The following TRAF3IP1 variants were observed in gnomAD, a reference collection of about 807,000 sequenced individuals.
TRAF3IP1 encodes intraflagellar transport 54, also known as TRAF3-interacting protein 1.
TRAF3IP1 carries 53 observed loss-of-function variants against 89.9 expected under a neutral mutation model. That is an observed-to-expected ratio of 0.59 (90% CI 0.47 to 0.74). The LOEUF (loss-of-function observed/expected upper bound fraction) is 0.74. TRAF3IP1 is among the 30% of genes least tolerant of loss of function. The probability of loss-of-function intolerance (pLI) is 0.00; values close to 1 mark genes in which losing one functional copy is unlikely to be tolerated. For synonymous variants in TRAF3IP1, 311 were observed against 322.1 expected, an observed-to-expected ratio of 0.97 and a Z score of 0.37; for missense variants, 806 against 866.1, an observed-to-expected ratio of 0.93 and a Z score of 0.87.
chr2:238,353,251 G>A, intron 14 of TRAF3IP1, 42 bp downstream of exon 14: 1 of 1,606,496 alleles, frequency 6.2e-7, no homozygotes, highest in South Asian at 1.1e-5. Flanking sequence ...CCATGTGTGT[G>A]TGCTCATGCA....
At chr2:238,371,834 T>C (rs1018889411) in intron 15 of TRAF3IP1, among the ~76,000 whole-genome samples, 6 of 152,262 alleles carry the variant, frequency 3.9e-5, no homozygotes, top group African/African-American at 1.2e-4. Flanking sequence ...TTTCATCTGT[T>C]TCTTTTTACT....
chr2:238,359,287 G>A (rs140607151), intron 15 of TRAF3IP1, among the ~76,000 whole-genome samples: 4 of 152,266 alleles, frequency 2.6e-5, no homozygotes, highest in African/African-American at 9.6e-5. Context: ...AGTCAAGATA[G>A]TGAACACACT....
chr2:238,344,674 C>T (rs1357625810), intron 9 of TRAF3IP1, 76 bp downstream of exon 9: 1 of 1,271,334 alleles, frequency 7.9e-7, no homozygotes, highest in African/African-American at 1.5e-5. Flanking sequence ...CAAAGGGCCG[C>T]AGCCCAGAGC....
In TRAF3IP1 at chr2:238,320,598, C is replaced by T; in HGVS notation, c.-65C>T. The T allele has an allele frequency of 9.7e-6, 11 of 1,128,718 alleles. No homozygotes were observed. Among genetic ancestry groups the T allele is most frequent in the Non-Finnish European group, 1.2e-5 (11 of 919,230 alleles). The allele number at this position is 1,128,718 out of a possible 1,614,324, so 69.9% of individuals were successfully genotyped here. On this transcript the variant is annotated 5_prime_UTR_variant, in exon 1 of 17. Transcript: ENST00000373327. ...CGGCGGGGCCGGCGGCGGCCAGGGA[C>T]CCGGGCTTAGGCTCGGCCAGGCCGG...
chr2:238,397,083 A>G (rs1701259414), intron 15 of TRAF3IP1, among the ~76,000 whole-genome samples: 1 of 152,200 alleles, frequency 6.6e-6, no homozygotes, highest in Admixed American at 6.5e-5. Context: ...TCCATTTGGG[A>G]AAAATCTTCC....
chr2:238,388,259 C>T (rs549251414), intron 15 of TRAF3IP1, among the ~76,000 whole-genome samples: 1 of 151,584 alleles, frequency 6.6e-6, no homozygotes, highest in Non-Finnish European at 1.5e-5. Context: ...CCTATAATCC[C>T]AGCTACTCGG....
chr2:238,337,699 A>G (rs1261897556), intron 7 of TRAF3IP1, among the ~76,000 whole-genome samples: 1 of 152,210 alleles, frequency 6.6e-6, no homozygotes, highest in East Asian at 1.9e-4. Context: ...TTGAACGGAA[A>G]GGAATCAAAG....
At chr2:238,348,627 AAATTGCTCATTTGTATTTGC>A in intron 10 of TRAF3IP1, 117 bp from the exon 11 acceptor site, 2 of 688,150 alleles carry the variant, frequency 2.9e-6, no homozygotes, top group Non-Finnish European at 4.8e-6. Flanking sequence ...ATTGATGGAA[AAATTGCTCATTTGTATTTGC>A]AATTACAAAT....
chr2:238,359,905 T>C (rs1268519418), intron 15 of TRAF3IP1, among the ~76,000 whole-genome samples: 5 of 152,190 alleles, frequency 3.3e-5, no homozygotes, highest in Non-Finnish European at 5.9e-5. Flanking sequence ...ATAACTGATA[T>C]TAAACAGAAC....
intron 14 of TRAF3IP1, among the ~76,000 whole-genome samples, chr2:238,353,600 C>T (rs1699272991): frequency 6.6e-6 from 1 of 152,110 alleles, no homozygotes; most frequent in South Asian, 2.1e-4. Context: ...ACCCCGTTCC[C>T]CACACCAGGG....
chr2:238,344,458 T>A, intron 8 of TRAF3IP1, 39 bp from the exon 9 acceptor site: 1 of 1,528,774 alleles, frequency 6.5e-7, no homozygotes, highest in Non-Finnish European at 9.1e-7. Context: ...CCCTTTGGTG[T>A]ACAGTCTTAA....
intron 12 of TRAF3IP1, among the ~76,000 whole-genome samples, chr2:238,350,456 G>A (rs905044021): frequency 2.0e-5 from 3 of 152,156 alleles, no homozygotes; most frequent in African/African-American, 7.2e-5. Flanking sequence ...AGAGGGTCTG[G>A]GGGAAGAGGA....
intron 11 of TRAF3IP1, among the ~76,000 whole-genome samples, chr2:238,349,080 G>C (rs1012985486): frequency 3.3e-5 from 5 of 152,152 alleles, no homozygotes; most frequent in Non-Finnish European, 5.9e-5. Context: ...TGAATTATGT[G>C]ATGTTTTGAT....
chr2:238,364,452 A>G (rs997143999), intron 15 of TRAF3IP1, among the ~76,000 whole-genome samples: 1 of 151,698 alleles, frequency 6.6e-6, no homozygotes, highest in African/African-American at 2.4e-5. Flanking sequence ...TTGAAAAACC[A>G]TCAAAAGAAC....
chr2:238,321,487 C>G (rs1398198707), intron 1 of TRAF3IP1, among the ~76,000 whole-genome samples: 1 of 152,198 alleles, frequency 6.6e-6, no homozygotes, highest in African/African-American at 2.4e-5. Context: ...AAGACTGTAA[C>G]AGAGCTGCAC....
chr2:238,381,943 C>T (rs1296155515), intron 15 of TRAF3IP1, among the ~76,000 whole-genome samples: 2 of 152,038 alleles, frequency 1.3e-5, no homozygotes, highest in Admixed American at 6.5e-5. Context: ...GGAAGAGGAG[C>T]GCGCTGAGTC....
chr2:238,398,702 AAC>A (rs1292452671), intron 16 of TRAF3IP1, 50 bp from the exon 17 acceptor site: 7 of 1,493,328 alleles, frequency 4.7e-6, no homozygotes, highest in African/African-American at 1.4e-5. Context: ...TTAAGAAGCC[AAC>A]ACACAATGAG....
In TRAF3IP1 at chr2:238,347,493, A is replaced by G; in HGVS notation, c.1282+18A>G. 6.2e-7 allele frequency: 1 copy of G among 1,613,914 alleles called. No homozygotes were observed. The highest frequency in any genetic ancestry group is 8.5e-7 in the Non-Finnish European group (1 of 1,179,822). On this transcript the variant is annotated intron_variant, in intron 10 of 16. Transcript: ENST00000373327. ...TGATGCAGGTGAGGAATGGCCTTAGATACCTGTGTGTCATATCAATTGTAT... is the reference window on the plus strand; with the variant it reads ...TGATGCAGGTGAGGAATGGCCTTAGGTACCTGTGTGTCATATCAATTGTAT...
At chr2:238,334,853 A>G (rs1238748066) in intron 7 of TRAF3IP1, among the ~76,000 whole-genome samples, 1 of 152,262 alleles carries the variant, frequency 6.6e-6, no homozygotes, top group Non-Finnish European at 1.5e-5. Context: ...TGGCTGGCAC[A>G]AAGGGTGTGG....
Sources: gnomAD v4.1 joint callset for allele counts (sites outside exome capture counted in the v4.1 genomes callset) on GRCh38, gnomAD v4.1.1 for gene constraint, MANE v1.5 for transcripts, NCBI Gene and HGNC (gene_info 2026-07-23, HGNC 2026-07-21) for gene names.